Variants in RBMS1 observed in about 807,000 individuals in gnomAD.
RBMS1 encodes RNA-binding motif, single-stranded-interacting protein 1.
Under a neutral mutation model 62.3 loss-of-function variants are expected in RBMS1, and 17 were observed. The observed-to-expected ratio is 0.27, with a 90% CI of 0.19 to 0.41. The LOEUF is 0.41. Ranked by LOEUF, RBMS1 falls within the 10% of genes least tolerant of loss-of-function variation. The pLI is 1.00. For synonymous variants in RBMS1, 172 were observed against 170.0 expected (o/e 1.01, Z -0.09); for missense variants, 334 against 504.5 (o/e 0.66, Z 3.24).
At chr2:160,440,173 A>G (rs12987408) in intron 1 of RBMS1, among the ~76,000 whole-genome samples, 31,831 of 150,478 alleles carry the variant, frequency 0.21, 4,010 homozygotes, top group Admixed American at 0.37. Flanking sequence ...CAGTGGCGTG[A>G]TCTCGGCTCA....
At chr2:160,347,911 A>C (rs1692275189) in intron 2 of RBMS1, among the ~76,000 whole-genome samples, 1 of 152,052 alleles carries the variant, frequency 6.6e-6, no homozygotes, top group South Asian at 2.1e-4. Context: ...TTCAATCTTA[A>C]TTCAGAGTCC....
intron 1 of RBMS1, among the ~76,000 whole-genome samples, chr2:160,389,883 C>A (rs1273083988): frequency 1.3e-5 from 2 of 150,306 alleles, no homozygotes; most frequent in African/African-American, 4.9e-5. Context: ...TTACCAAAAA[C>A]CTGAAGGTTG....
intron 2 of RBMS1, among the ~76,000 whole-genome samples, chr2:160,335,819 C>CT (rs933178393): frequency 6.6e-6 from 1 of 152,210 alleles, no homozygotes; most frequent in African/African-American, 2.4e-5. Context: ...AGGATTCATC[C>CT]TGCCAGGTAT....
At chr2:160,462,545 A>T (rs1684510669) in intron 1 of RBMS1, among the ~76,000 whole-genome samples, 1 of 152,224 alleles carries the variant, frequency 6.6e-6, no homozygotes, top group African/African-American at 2.4e-5. Flanking sequence ...GAACAAGAAG[A>T]ATATTTGGCA....
At chr2:160,370,266 T>C (rs1325530851) in intron 1 of RBMS1, among the ~76,000 whole-genome samples, 1 of 152,226 alleles carries the variant, frequency 6.6e-6, no homozygotes, top group Non-Finnish European at 1.5e-5. Flanking sequence ...GAGAGAAGCG[T>C]TGAATTATTC....
intron 4 of RBMS1, among the ~76,000 whole-genome samples, chr2:160,304,341 C>T (rs1689371980): frequency 6.6e-6 from 1 of 152,122 alleles, no homozygotes; most frequent in African/African-American, 2.4e-5. Flanking sequence ...TTCTTGAAGT[C>T]TTGTGTTTTA....
At chr2:160,402,359 T>G (rs1351156466) in intron 1 of RBMS1, among the ~76,000 whole-genome samples, 3 of 152,212 alleles carry the variant, frequency 2.0e-5, no homozygotes, top group Non-Finnish European at 4.4e-5. Context: ...GGCAAACTTT[T>G]CAGTGGAAAA....
intron 1 of RBMS1, among the ~76,000 whole-genome samples, chr2:160,378,946 G>A (rs1013757216): frequency 9.2e-5 from 14 of 152,348 alleles, no homozygotes; most frequent in East Asian, 5.8e-4. Flanking sequence ...TGGGCCGGAC[G>A]TGGTGGCTCA....
chr2:160,480,288 TAC>T (rs1306069270), intron 1 of RBMS1, among the ~76,000 whole-genome samples: 3 of 151,990 alleles, frequency 2.0e-5, no homozygotes, highest in African/African-American at 4.8e-5. Flanking sequence ...AAAGGGGAAA[TAC>T]AGTTATATTT....
At chr2:160,283,169 A>G (rs973345279) in intron 9 of RBMS1, 1 of 152,254 alleles carries the variant, frequency 6.6e-6, no homozygotes, top group African/African-American at 2.4e-5. Context: ...ATCTATAGCA[A>G]CATAAATTCA....
Position 160,295,658 on chromosome 2 carries a change from T to C in RBMS1, c.640+4993A>G, listed in dbSNP as rs527437871. On this transcript the variant is annotated intron_variant, in intron 6 of 13. Transcript: ENST00000348849. ...ATCTAGGGCTTTTATTTCCCTTGAA[T>C]GGATGTGACCAATAGTCTGCAAACC... Among the ~76,000 whole-genome samples, 3 of 152,336 alleles carry C rather than the reference T, an allele frequency of 2.0e-5. No individual in the cohort carries two copies. The South Asian group carries it at 6.2e-4, about 32-fold the overall frequency.
At chr2:160,369,841 T>C (rs879643349) in intron 1 of RBMS1, among the ~76,000 whole-genome samples, 8 of 152,220 alleles carry the variant, frequency 5.3e-5, no homozygotes, top group Non-Finnish European at 8.8e-5. Context: ...CATGCACTTG[T>C]ATAATTAAAG....
chr2:160,403,644 C>T (rs1695546222), intron 1 of RBMS1, among the ~76,000 whole-genome samples: 2 of 152,180 alleles, frequency 1.3e-5, no homozygotes, highest in Admixed American at 1.3e-4. Flanking sequence ...TATTGGAGGG[C>T]AAGACCATTA....
chr2:160,398,799 C>T (rs958550477), intron 1 of RBMS1, among the ~76,000 whole-genome samples: 4 of 152,314 alleles, frequency 2.6e-5, no homozygotes, highest in Admixed American at 1.3e-4. Context: ...CAATCATTTA[C>T]GACTAGAAGC....
Position 160,285,603 on chromosome 2 carries a change from C to T in RBMS1, c.757-559G>A, listed in dbSNP as rs141463815. On this transcript the variant is annotated intron_variant, in intron 7 of 13. Coordinates refer to ENST00000348849, the MANE Select transcript of RBMS1 (RefSeq NM_016836.4). ...TGGAAAGTCAATACAGGGAAATGGA[C>T]GTCCAACATTTTATTACGAAATTGA... Among the ~76,000 whole-genome samples the T allele has an allele frequency of 8.0e-5, 12 of 150,540 alleles. No homozygotes were observed. The East Asian group carries it at 1.8e-3, about 22-fold the overall frequency.
chr2:160,305,056 T>C (rs976660803), intron 4 of RBMS1, among the ~76,000 whole-genome samples: 3 of 152,206 alleles, frequency 2.0e-5, no homozygotes, highest in South Asian at 2.1e-4. Flanking sequence ...AGTTTCACCA[T>C]GTTGGCCAGG....
intron 1 of RBMS1, among the ~76,000 whole-genome samples, chr2:160,439,861 C>T (rs1240301711): frequency 2.0e-5 from 3 of 152,212 alleles, no homozygotes; most frequent in East Asian, 1.9e-4. Flanking sequence ...GAGACCAGCC[C>T]GGCCAACACA....
chr2:160,395,272 T>A (rs974988346), intron 1 of RBMS1, among the ~76,000 whole-genome samples: 2 of 152,236 alleles, frequency 1.3e-5, no homozygotes, highest in African/African-American at 4.8e-5. Context: ...AGAATCCGTG[T>A]ATCTTAGTAA....
At chr2:160,278,923 TCTC>T (rs565704015) in intron 10 of RBMS1, 110 of 278,412 alleles carry the variant, frequency 4.0e-4, no homozygotes, top group South Asian at 2.0e-3. Context: ...GTGTCCCTCT[TCTC>T]CTTCCCTTTC....
Sources: allele counts gnomAD v4.1 joint callset (sites outside exome capture counted in the v4.1 genomes callset), GRCh38; gene constraint gnomAD v4.1.1; transcripts MANE v1.5; gene names NCBI Gene and HGNC (gene_info 2026-07-23, HGNC 2026-07-21).